TLK1: variants seen among roughly 807,000 people sequenced by gnomAD.
TLK1 encodes the protein tousled like kinase 1.
TLK1 carries 24 observed loss-of-function variants against 105.3 expected under a neutral mutation model. That is an observed-to-expected ratio of 0.23 (90% CI 0.17 to 0.32). The LOEUF (loss-of-function observed/expected upper bound fraction) is 0.32. TLK1 is among the 10% of genes least tolerant of loss of function. The pLI is 1.00. For synonymous variants in TLK1, 321 were observed against 310.4 expected, an observed-to-expected ratio of 1.03 and a Z score of -0.36; for missense variants, 558 against 910.5, an observed-to-expected ratio of 0.61 and a Z score of 4.98.
intron 1 of TLK1, among the ~76,000 whole-genome samples, chr2:171,193,465 C>T (rs1401112192): frequency 6.7e-6 from 1 of 149,906 alleles, no homozygotes; most frequent in Non-Finnish European, 1.5e-5. Context: ...GGCGCGATCT[C>T]GGCTCACTGC....
At chr2:171,041,561 T>A (rs150516153) in intron 11 of TLK1, among the ~76,000 whole-genome samples, 1 of 152,202 alleles carries the variant, frequency 6.6e-6, no homozygotes, top group African/African-American at 2.4e-5. Flanking sequence ...TAGATTCTCA[T>A]AGAGCACAAA....
chr2:171,171,343 G>C (rs528369925), intron 1 of TLK1, among the ~76,000 whole-genome samples: 1 of 151,852 alleles, frequency 6.6e-6, no homozygotes, highest in African/African-American at 2.4e-5. Flanking sequence ...GACACAGTGA[G>C]ACCCTGTCTG....
intron 1 of TLK1, among the ~76,000 whole-genome samples, chr2:171,118,063 G>C (rs114584654): frequency 0.016 from 2,420 of 152,224 alleles, 62 homozygotes; most frequent in African/African-American, 0.052. Context: ...ACTTTTGGCT[G>C]CAACTCACAG....
intron 11 of TLK1, among the ~76,000 whole-genome samples, chr2:171,038,521 T>G (rs1686488295): frequency 6.6e-6 from 1 of 152,192 alleles, no homozygotes; most frequent in Non-Finnish European, 1.5e-5. Context: ...TTCACTAACA[T>G]TCATTTCAAA....
intron 8 of TLK1, among the ~76,000 whole-genome samples, chr2:171,051,594 TGAG>T (rs1687241472): frequency 6.6e-6 from 1 of 152,240 alleles, no homozygotes; most frequent in African/African-American, 2.4e-5. Context: ...CTTATGATAC[TGAG>T]GAGTAATAAT....
At chr2:171,044,565 GA>G (rs1373439214) in intron 11 of TLK1, among the ~76,000 whole-genome samples, 2 of 152,172 alleles carry the variant, frequency 1.3e-5, no homozygotes. Context: ...ATACTCAAGA[GA>G]AAAGTGGGCT....
intron 2 of TLK1, among the ~76,000 whole-genome samples, chr2:171,112,797 A>T (rs548154633): frequency 8.5e-4 from 130 of 152,268 alleles, no homozygotes; most frequent in African/African-American, 2.4e-3. Flanking sequence ...AAATATAATT[A>T]AAAAAAGATC....
intron 1 of TLK1, among the ~76,000 whole-genome samples, chr2:171,180,204 G>A (rs919619577): frequency 6.6e-6 from 1 of 151,558 alleles, no homozygotes; most frequent in Non-Finnish European, 1.5e-5. Context: ...GAGCGAGAGC[G>A]AGAGCGAGAC....
intron 1 of TLK1, among the ~76,000 whole-genome samples, chr2:171,196,017 A>G (rs1693265853): frequency 1.4e-5 from 2 of 142,520 alleles, no homozygotes; most frequent in African/African-American, 5.1e-5. Flanking sequence ...CAGCCTGAGT[A>G]ACAGAGTGAG....
chr2:171,142,874 C>T (rs1295731408), intron 1 of TLK1, among the ~76,000 whole-genome samples: 1 of 152,188 alleles, frequency 6.6e-6, no homozygotes, highest in East Asian at 1.9e-4. Context: ...TTTCCAAGAA[C>T]TTAAGTCTTA....
At chr2:171,128,323 C>T (rs1385776181) in intron 1 of TLK1, among the ~76,000 whole-genome samples, 4 of 152,050 alleles carry the variant, frequency 2.6e-5, no homozygotes, top group South Asian at 2.1e-4. Flanking sequence ...ATACGTAGGT[C>T]GATAAGTTGT....
chr2:170,993,792 T>G lies in TLK1; in HGVS notation c.2289A>C (p.Ile763=). The change falls in exon 21 of 21, where the codon ATA becomes ATC. Residue 763 remains isoleucine, a synonymous_variant. Transcript: ENST00000431350. ...TCTTGGAGGAAAGTCAGTAAGTAAT[T>G]ATGCTTGAAGAAGGGGGTGTAGGGG... ...TASPTPPSSS[I]ITY is the part of the protein sequence containing the mutation. The G allele has an allele frequency of 6.3e-7, 1 of 1,589,780 alleles. No homozygotes were observed.
chr2:171,220,275 T>A (rs904350564), intron 1 of TLK1, among the ~76,000 whole-genome samples: 1 of 152,174 alleles, frequency 6.6e-6, no homozygotes, highest in African/African-American at 2.4e-5. Flanking sequence ...TACTACATCA[T>A]CAATATGAAG....
chr2:171,115,542 C>T (rs915202850), intron 2 of TLK1, among the ~76,000 whole-genome samples: 4 of 152,134 alleles, frequency 2.6e-5, no homozygotes, highest in African/African-American at 9.6e-5. Flanking sequence ...CTGACTCCAC[C>T]TAAGAATTCA....
chr2:171,071,548 C>T (rs1313097466), intron 3 of TLK1, among the ~76,000 whole-genome samples: 4 of 152,110 alleles, frequency 2.6e-5, no homozygotes, highest in African/African-American at 9.7e-5. Flanking sequence ...CTGCCTCCCA[C>T]AGTGCTGGGA....
rs1692413774 is a variant in TLK1, at chr2:171,160,208, CGGGGGGGGCG to C, written c.139+72_139+81del. The C allele has an allele frequency of 1.8e-6, 2 of 1,123,918 alleles. No homozygotes were observed. The highest frequency in any genetic ancestry group is 3.1e-5 in the African/African-American group (1 of 32,284). 69.6% of individuals were successfully genotyped at this position (1,123,918 alleles called of 1,614,324 possible). A position where few individuals can be genotyped will look rare whatever the true frequency, so the allele number is the denominator to read the frequency against. On this transcript the variant is annotated intron_variant, in intron 1 of 20. Coordinates refer to ENST00000431350, the MANE Select transcript of TLK1 (RefSeq NM_012290.5). This position sits in a 1 kb window ranked among gnomAD's most constrained non-coding sequence, Gnocchi z 4.4. ...AGGGTCTGGCGGAGAAGCCCCGGGGCGGGGGGGGCGGGGGGGGGGCGCGGGGGTCCGCGGC... is the reference window on the plus strand; with the variant it reads ...AGGGTCTGGCGGAGAAGCCCCGGGGCGGGGGGGGGCGCGGGGGTCCGCGGC...
intron 2 of TLK1, among the ~76,000 whole-genome samples, chr2:171,107,439 T>C (rs1689977265): frequency 1.3e-5 from 2 of 152,210 alleles, no homozygotes; most frequent in Admixed American, 6.5e-5. Flanking sequence ...TCAATAATTA[T>C]ATTGGGGATG....
chr2:171,210,370 C>A (rs1464046017), intron 1 of TLK1, among the ~76,000 whole-genome samples: 1 of 151,894 alleles, frequency 6.6e-6, no homozygotes, highest in African/African-American at 2.4e-5. Flanking sequence ...CTCAAGCAAT[C>A]CTCCTGAGTA....
rs541551907 is a variant in TLK1 at position 171,135,364 on chromosome 2, C to T, written c.140-17507G>A. Among the ~76,000 whole-genome samples the T allele has an allele frequency of 4.6e-3, 685 of 149,998 alleles. 7 individuals carry two copies. The highest frequency in any genetic ancestry group is 0.015 in the African/African-American group (624 of 40,708). On this transcript the variant is annotated intron_variant, in intron 1 of 20. Transcript: ENST00000431350. ...ATATATCAAAACATGACACTGTACCCCATAAATGTATACAATTATGATTTG... is the reference window on the plus strand; with the variant it reads ...ATATATCAAAACATGACACTGTACCTCATAAATGTATACAATTATGATTTG...
Sources: gnomAD v4.1 joint callset for allele counts (sites outside exome capture counted in the v4.1 genomes callset) on GRCh38, gnomAD v4.1.1 for gene constraint, Gnocchi (gnomAD v3.1) non-coding constraint, MANE v1.5 for transcripts, NCBI Gene and HGNC (gene_info 2026-07-23, HGNC 2026-07-21) for gene names.